Variants in GABRB1 observed in about 807,000 individuals in gnomAD.
GABRB1 encodes the protein gamma-aminobutyric acid receptor subunit beta-1.
A neutral mutation model predicts 51.6 loss-of-function variants in GABRB1; 17 were observed. The ratio of observed to expected loss-of-function variants is 0.33; its 90% CI spans 0.23 to 0.49. GABRB1 has a LOEUF of 0.49. GABRB1 is among the 20% of genes least tolerant of loss of function. GABRB1 has a pLI of 0.99. For missense variants in GABRB1, 410 were observed against 600.6 expected, an observed-to-expected ratio of 0.68 and a Z score of 3.32; for synonymous variants, 247 against 218.9, an observed-to-expected ratio of 1.13 and a Z score of -1.14.
chr4:47,178,770 A>G (rs1243522679), intron 4 of GABRB1, among the ~76,000 whole-genome samples: 1 of 152,108 alleles, frequency 6.6e-6, no homozygotes, highest in Non-Finnish European at 1.5e-5. Flanking sequence ...AGATGCCAAG[A>G]ACTTTATTTC....
intron 5 of GABRB1, among the ~76,000 whole-genome samples, chr4:47,338,156 A>G (rs897379644): frequency 1.3e-5 from 2 of 152,154 alleles, no homozygotes; most frequent in Non-Finnish European, 1.5e-5. Flanking sequence ...TGATCTTTCT[A>G]TACATCACCA....
rs541003432 is a variant in GABRB1, at chr4:47,158,692, A to T, written c.241-2557A>T. 2.0e-5 allele frequency among the ~76,000 whole-genome samples: 3 copies of T among 152,226 alleles called. No individual in the cohort carries two copies. In the East Asian group the frequency reaches 5.8e-4, roughly 29 times the overall value. On this transcript the variant is annotated intron_variant, in intron 3 of 8. Coordinates refer to ENST00000295454, the MANE Select transcript of GABRB1 (RefSeq NM_000812.4). ...TTCCTATACTGGCTGAATTATAAAC[A>T]AGAACCCAACACCAAGACTTAGAAT... is the stretch of plus-strand genomic sequence containing the variant.
chr4:47,123,787 A>AT (rs1478989883), intron 3 of GABRB1, among the ~76,000 whole-genome samples: 1 of 86,042 alleles, frequency 1.2e-5, no homozygotes, highest in African/African-American at 4.8e-5. Context: ...ATATTATTAT[A>AT]TATAATATAT....
At chr4:47,324,785 A>C (rs1279842607) in intron 5 of GABRB1, among the ~76,000 whole-genome samples, 2 of 152,154 alleles carry the variant, frequency 1.3e-5, no homozygotes. Context: ...ATTTGCTCAA[A>C]ACTTTATTCT....
At chr4:47,260,371 G>A (rs1296645318) in intron 4 of GABRB1, among the ~76,000 whole-genome samples, 1 of 152,154 alleles carries the variant, frequency 6.6e-6, no homozygotes, top group Non-Finnish European at 1.5e-5. Flanking sequence ...CTGTCATTAT[G>A]ATGTTAGCTG....
At chr4:47,356,696 T>C (rs1726591006) in intron 5 of GABRB1, among the ~76,000 whole-genome samples, 3 of 152,102 alleles carry the variant, frequency 2.0e-5, no homozygotes, top group Admixed American at 2.0e-4. Flanking sequence ...GTTGATCTAG[T>C]TTTGGTTATT....
At chr4:47,314,873 G>A (rs898083823) in intron 4 of GABRB1, among the ~76,000 whole-genome samples, 1 of 151,692 alleles carries the variant, frequency 6.6e-6, no homozygotes, top group Non-Finnish European at 1.5e-5. Flanking sequence ...TCATGTGTGG[G>A]GCCATCCAAC....
At chr4:47,103,665 T>C (rs906649309) in intron 3 of GABRB1, among the ~76,000 whole-genome samples, 2 of 152,012 alleles carry the variant, frequency 1.3e-5, no homozygotes, top group African/African-American at 4.8e-5. Flanking sequence ...ATGCCTAAGA[T>C]AAAATGAATT....
intron 5 of GABRB1, among the ~76,000 whole-genome samples, chr4:47,320,515 A>C (rs2109963118): frequency 6.6e-6 from 1 of 152,326 alleles, no homozygotes; most frequent in South Asian, 2.1e-4. Flanking sequence ...ACATTTTAAT[A>C]TGAAAAGAGT....
chr4:47,017,102 G>A lies in GABRB1; in HGVS notation c.-19-14812G>A, dbSNP rs570584725. Among the ~76,000 whole-genome samples the A allele has an allele frequency of 2.1e-4, 32 of 152,286 alleles. No individual in the cohort carries two copies. The East Asian group carries it at 5.2e-3, about 25-fold the overall frequency. ...GCTAATAAGGTATTTAGAAAGAGAC[G>A]CTGTGGAGTTAAATGACCTGAAAAG... On this transcript the variant is annotated intron_variant, in intron 1 of 3. Coordinates refer to the GABRB1 transcript ENST00000513567.
chr4:47,268,175 G>A (rs1722714744), intron 4 of GABRB1, among the ~76,000 whole-genome samples: 1 of 152,030 alleles, frequency 6.6e-6, no homozygotes, highest in Admixed American at 6.6e-5. Flanking sequence ...AATATGACCT[G>A]ATACTTCAAA....
At chr4:47,382,700 G>A (rs190155733) in intron 5 of GABRB1, among the ~76,000 whole-genome samples, 93 of 152,262 alleles carry the variant, frequency 6.1e-4, no homozygotes, top group Middle Eastern at 3.4e-3. Flanking sequence ...TGAGCAATAA[G>A]TACAGAGCAT....
At chr4:47,077,924 A>T (rs1727635109) in intron 3 of GABRB1, among the ~76,000 whole-genome samples, 1 of 127,504 alleles carries the variant, frequency 7.8e-6, no homozygotes, top group Non-Finnish European at 1.6e-5. Flanking sequence ...TATATATTTT[A>T]TATATATTAT....
intron 5 of GABRB1, among the ~76,000 whole-genome samples, chr4:47,339,569 G>A (rs1422880115): frequency 2.1e-5 from 3 of 141,134 alleles, no homozygotes; most frequent in Admixed American, 7.2e-5. Context: ...GTGTGTGTGT[G>A]TAATGCTTTT....
intron 3 of GABRB1, among the ~76,000 whole-genome samples, chr4:47,079,559 T>A (rs1688651495): frequency 2.0e-5 from 3 of 152,024 alleles, no homozygotes; most frequent in Non-Finnish European, 4.4e-5. Context: ...ATATGTTTAT[T>A]GCGGCACTGT....
At chr4:47,198,280 A>G (rs1719768135) in intron 4 of GABRB1, among the ~76,000 whole-genome samples, 2 of 152,226 alleles carry the variant, frequency 1.3e-5, no homozygotes, top group Admixed American at 1.3e-4. Flanking sequence ...AGAAGGTAGT[A>G]TGGTACATGT....
Position 47,031,901 on chromosome 4 carries a change from T to A in GABRB1, c.81-13T>A, listed in dbSNP as rs1476626725. 1 of 1,611,660 alleles carries A rather than the reference T, an allele frequency of 6.2e-7. No individual in the cohort carries two copies. The highest frequency in any genetic ancestry group is 1.7e-5 in the Admixed American group (1 of 59,988). On this transcript the variant is annotated splice_polypyrimidine_tract_variant and intron_variant, in intron 1 of 8. Transcript: ENST00000295454. ...TGCTCATTTTGAATACGGTCCCTACTTCTTCCCCTTAGCACCAATGAACCC... is the reference window on the plus strand; with the variant it reads ...TGCTCATTTTGAATACGGTCCCTACATCTTCCCCTTAGCACCAATGAACCC...
chr4:47,071,815 A>G (rs188148684), intron 3 of GABRB1, among the ~76,000 whole-genome samples: 55 of 152,004 alleles, frequency 3.6e-4, no homozygotes, highest in African/African-American at 1.3e-3. Flanking sequence ...ATTGTTTATA[A>G]TTCTTAACTC....
At chr4:47,379,061 G>T (rs922533174) in intron 5 of GABRB1, among the ~76,000 whole-genome samples, 1 of 152,102 alleles carries the variant, frequency 6.6e-6, no homozygotes, top group African/African-American at 2.4e-5. Flanking sequence ...TGTGAGATGT[G>T]GATAGGTCAA....
Sources: allele counts gnomAD v4.1 joint callset (sites outside exome capture counted in the v4.1 genomes callset), GRCh38; gene constraint gnomAD v4.1.1; transcripts MANE v1.5; gene names NCBI Gene and HGNC (gene_info 2026-07-23, HGNC 2026-07-21).